The following ERC2 variants were observed in gnomAD, a reference collection of about 807,000 sequenced individuals.
ERC2 encodes the protein ERC protein 2.
A neutral mutation model predicts 114.8 loss-of-function variants in ERC2; 42 were observed. The ratio of observed to expected loss-of-function variants is 0.37; its 90% CI spans 0.29 to 0.47. The LOEUF is 0.47. Ranked by LOEUF, ERC2 falls within the 20% of genes least tolerant of loss-of-function variation. ERC2 has a pLI of 0.99. For synonymous variants in ERC2, 454 were observed against 425.5 expected (o/e 1.07, Z -0.82); for missense variants, 939 against 1,150.7 (o/e 0.82, Z 2.66).
At chr3:55,844,547 T>A (rs373126139) in intron 14 of ERC2, among the ~76,000 whole-genome samples, 22 of 152,280 alleles carry the variant, frequency 1.4e-4, no homozygotes, top group African/African-American at 5.3e-4. Context: ...AGAGAAAAAA[T>A]GACTAGGAAG....
rs1156368381 is a variant in ERC2 at position 56,171,857 on chromosome 3, T to TC, written c.1149+1588dup. ...GGAAACTCGCTCTTTTTTTTTTTTT[T>TC]CTTAAATGATAATTTGGAAATAGAT... is the stretch of plus-strand genomic sequence containing the variant. On this transcript the variant is annotated intron_variant, in intron 4 of 17. Coordinates refer to ENST00000288221, the MANE Select transcript of ERC2 (RefSeq NM_015576.3). Among the ~76,000 whole-genome samples the TC allele has an allele frequency of 4.0e-5, 6 of 150,358 alleles. No homozygotes were observed. The South Asian group carries it at 1.1e-3, about 26-fold the overall frequency.
At chr3:55,638,703 C>T (rs1252743519) in intron 17 of ERC2, among the ~76,000 whole-genome samples, 1 of 152,180 alleles carries the variant, frequency 6.6e-6, no homozygotes, top group Non-Finnish European at 1.5e-5. Flanking sequence ...CATTCAAATA[C>T]TTTTATGTTG....
At chr3:55,933,799 G>A (rs1008150841) in intron 13 of ERC2, among the ~76,000 whole-genome samples, 6 of 152,194 alleles carry the variant, frequency 3.9e-5, no homozygotes, top group African/African-American at 9.7e-5. Context: ...CCTCCAGTGC[G>A]TGGGTATGCA....
In ERC2 at chr3:56,296,441, A is replaced by G; in HGVS notation, c.658-6T>C. 2 of 1,598,780 alleles carry G rather than the reference A, an allele frequency of 1.3e-6. No homozygotes were observed. Among genetic ancestry groups the G allele is most frequent in the South Asian group, 2.2e-5 (2 of 89,628 alleles). ...TGGATTGTCAACTGTAGGTGCTGCAATGAGAAAGATGGAGCGGGAGAGGAG... is the reference window on the plus strand; with the variant it reads ...TGGATTGTCAACTGTAGGTGCTGCAGTGAGAAAGATGGAGCGGGAGAGGAG... On this transcript the variant is annotated splice_region_variant and splice_polypyrimidine_tract_variant and intron_variant, in intron 2 of 17. Coordinates refer to ENST00000288221, the MANE Select transcript of ERC2 (RefSeq NM_015576.3).
chr3:55,769,082 T>C (rs1452432381), intron 14 of ERC2, among the ~76,000 whole-genome samples: 1 of 152,182 alleles, frequency 6.6e-6, no homozygotes. Flanking sequence ...AGGATCACAG[T>C]GAGCCTGTCT....
chr3:56,274,419 A>G (rs1309872071), intron 3 of ERC2, among the ~76,000 whole-genome samples: 1 of 152,138 alleles, frequency 6.6e-6, no homozygotes, highest in Admixed American at 6.5e-5. Context: ...AAATCCACAC[A>G]CACTCAAGTC....
chr3:56,410,360 A>C (rs2060893958), intron 2 of ERC2, among the ~76,000 whole-genome samples: 1 of 152,252 alleles, frequency 6.6e-6, no homozygotes, highest in African/African-American at 2.4e-5. Context: ...AAGCCATATG[A>C]ATAAATTAAC....
At chr3:56,328,703 T>G (rs1339501903) in intron 2 of ERC2, among the ~76,000 whole-genome samples, 1 of 152,178 alleles carries the variant, frequency 6.6e-6, no homozygotes, top group East Asian at 1.9e-4. Flanking sequence ...ATATAATTAT[T>G]GTTCTACAGA....
At chr3:56,250,530 G>A (rs1448052773) in intron 3 of ERC2, among the ~76,000 whole-genome samples, 1 of 152,196 alleles carries the variant, frequency 6.6e-6, no homozygotes, top group Non-Finnish European at 1.5e-5. Flanking sequence ...GCTCGCTTCA[G>A]CAGTACGTAC....
chr3:56,287,021 T>C (rs2054768890), intron 3 of ERC2, among the ~76,000 whole-genome samples: 1 of 152,186 alleles, frequency 6.6e-6, no homozygotes, highest in Non-Finnish European at 1.5e-5. Context: ...TCACATTGCC[T>C]TTTTAGCGCT....
intron 2 of ERC2, among the ~76,000 whole-genome samples, chr3:56,357,476 C>A (rs1467171851): frequency 6.6e-6 from 1 of 152,056 alleles, no homozygotes; most frequent in East Asian, 1.9e-4. Context: ...CTGCATAGGC[C>A]CAGGCTGACT....
At chr3:55,539,887 C>T (rs1575518076) in intron 17 of ERC2, among the ~76,000 whole-genome samples, 1 of 149,852 alleles carries the variant, frequency 6.7e-6, no homozygotes, top group Non-Finnish European at 1.5e-5. Flanking sequence ...ATTTTAAATG[C>T]TCATTGTAAA....
chr3:56,354,729 C>G (rs73090543), intron 2 of ERC2, among the ~76,000 whole-genome samples: 2 of 152,256 alleles, frequency 1.3e-5, no homozygotes, highest in Non-Finnish European at 2.9e-5. Context: ...CGGGAAGTGT[C>G]CAAGAGATAC....
chr3:56,055,713 C>A (rs2075983975), intron 7 of ERC2, among the ~76,000 whole-genome samples: 1 of 152,184 alleles, frequency 6.6e-6, no homozygotes, highest in Admixed American at 6.5e-5. Context: ...ATCATTAGTA[C>A]AACACAGCTG....
At chr3:56,089,681 T>G (rs1576887295) in intron 6 of ERC2, among the ~76,000 whole-genome samples, 1 of 152,124 alleles carries the variant, frequency 6.6e-6, no homozygotes, top group African/African-American at 2.4e-5. Flanking sequence ...TATTGGACAG[T>G]GAAGGTCTAT....
At chr3:55,861,937 C>T (rs928941562) in intron 14 of ERC2, among the ~76,000 whole-genome samples, 2 of 152,140 alleles carry the variant, frequency 1.3e-5, no homozygotes, top group African/African-American at 2.4e-5. Context: ...TTTTATAGGC[C>T]GAATATGCCC....
chr3:56,212,435 A>G (rs1024331480), intron 3 of ERC2, among the ~76,000 whole-genome samples: 8 of 152,224 alleles, frequency 5.3e-5, no homozygotes, highest in African/African-American at 1.7e-4. Context: ...AATGACCATA[A>G]TCAAAAAATC....
At chr3:55,923,004 A>G (rs2065519710) in intron 13 of ERC2, among the ~76,000 whole-genome samples, 2 of 152,172 alleles carry the variant, frequency 1.3e-5, no homozygotes, top group African/African-American at 4.8e-5. Context: ...TGGAATTACC[A>G]TACAGTCCAT....
At chr3:56,286,414 CAAA>C (rs778645110) in intron 3 of ERC2, among the ~76,000 whole-genome samples, 58 of 30,334 alleles carry the variant, frequency 1.9e-3, no homozygotes, top group African/African-American at 6.7e-3. Flanking sequence ...AACTCCATCT[CAAA>C]AAAAAAAAAA....
Sources: allele counts gnomAD v4.1 joint callset (sites outside exome capture counted in the v4.1 genomes callset), GRCh38; gene constraint gnomAD v4.1.1; transcripts MANE v1.5; gene names NCBI Gene and HGNC (gene_info 2026-07-23, HGNC 2026-07-21).